Variants in SS18L1 observed in about 807,000 individuals in gnomAD.
SS18L1 encodes the protein SS18L1 subunit of BAF chromatin remodeling complex, also known as calcium-responsive transactivator.
SS18L1 carries 32 observed loss-of-function variants against 70.3 expected under a neutral mutation model. The ratio of observed to expected loss-of-function variants is 0.46; its 90% confidence interval spans 0.34 to 0.61. The LOEUF is 0.61. SS18L1 is among the 20% of genes least tolerant of loss of function. The probability of loss-of-function intolerance (pLI) is 0.01; values close to 1 mark genes in which losing one functional copy is unlikely to be tolerated. For missense variants in SS18L1, 430 were observed against 542.1 expected, an observed-to-expected ratio of 0.79 and a Z score of 2.05; for synonymous variants, 237 against 229.7, an observed-to-expected ratio of 1.03 and a Z score of -0.29.
chr20:62,178,910 C>G (rs1457839860), intron 10 of SS18L1, among the ~76,000 whole-genome samples: 1 of 152,222 alleles, frequency 6.6e-6, no homozygotes, highest in African/African-American at 2.4e-5. Flanking sequence ...CATAGCAGGC[C>G]CAGCATAAGG....
chr20:62,171,732 C>T (rs780711886), intron 8 of SS18L1, among the ~76,000 whole-genome samples: 1 of 152,224 alleles, frequency 6.6e-6, no homozygotes, highest in South Asian at 2.1e-4. Flanking sequence ...AAAATGGATT[C>T]TTTGCGCAGA....
At chr20:62,178,169 C>T (rs182835218) in intron 10 of SS18L1, among the ~76,000 whole-genome samples, 216 of 118,296 alleles carry the variant, frequency 1.8e-3, no homozygotes, top group African/African-American at 7.2e-3. Context: ...TTTTTTGAGA[C>T]AAGGTCTCAC....
chr20:62,175,273 G>T (rs2057602119), intron 10 of SS18L1: 1 of 985,308 alleles, frequency 1.0e-6, no homozygotes, highest in African/African-American at 1.7e-5. Context: ...GAGCTCTCGG[G>T]ACAGTGAGGA....
At chr20:62,151,200 AC>A (rs1181409776) in intron 1 of SS18L1, among the ~76,000 whole-genome samples, 2 of 151,686 alleles carry the variant, frequency 1.3e-5, no homozygotes, top group Admixed American at 6.6e-5. Flanking sequence ...GGGCTCTGGG[AC>A]CCCAGTTCTC....
intron 1 of SS18L1, among the ~76,000 whole-genome samples, chr20:62,145,049 A>G (rs574112794): frequency 2.6e-5 from 4 of 152,374 alleles, no homozygotes; most frequent in Admixed American, 6.5e-5. Context: ...CTAGTTTTAG[A>G]AATTTGATGG....
rs939332777 is a variant in SS18L1, at chr20:62,181,774, A to G, written c.*2566A>G. The G allele has an allele frequency of 1.9e-4, 43 of 226,116 alleles. No homozygotes were observed. Among genetic ancestry groups the G allele is most frequent in the Admixed American group, 1.6e-3 (28 of 17,568 alleles). The allele number at this position is 226,116 out of a possible 1,614,324, so 14.0% of individuals were successfully genotyped here. ...CCTTTTCATTATTCTATCTTCTGTC[A>G]TATGAATGTTGAGCAAAGCTTAGGC... On this transcript the variant is annotated 3_prime_UTR_variant, in exon 11 of 11. Coordinates refer to ENST00000331758, the MANE Select transcript of SS18L1 (RefSeq NM_198935.3).
chr20:62,175,776 G>A (rs918580552), intron 10 of SS18L1, among the ~76,000 whole-genome samples: 2 of 152,250 alleles, frequency 1.3e-5, no homozygotes, highest in Admixed American at 6.5e-5. Context: ...AGAGGGCAAA[G>A]GGTCACCAGG....
rs781618284 is a variant in SS18L1, at chr20:62,161,504, C to A, written c.300C>A (p.His100Gln). 6.2e-7 allele frequency: 1 copy of A among 1,612,894 alleles called. No individual in the cohort carries two copies. Among genetic ancestry groups the A allele is most frequent in the East Asian group, 2.2e-5 (1 of 44,868 alleles). ...AGAGCGGCTCCAGCCAGGGCCTGCA[C>A]TCTCAGGGCAGCCTGAGTGACGCCA... ...LTQSGSSQGL[H>Q]SQGSLSDAIS... is the part of the protein sequence containing the mutation. Residue 100 changes from histidine (H) to glutamine (Q), a missense_variant, in exon 4 of 11, where the codon CAC becomes CAA. By Grantham distance (24) the His-to-Gln change is conservative. Coordinates refer to ENST00000331758, the MANE Select transcript of SS18L1 (RefSeq NM_198935.3). This position sits in a 1 kb window ranked among gnomAD's most constrained non-coding sequence, Gnocchi z 4.4.
chr20:62,174,857 A>G lies in SS18L1; in HGVS notation c.1164+213A>G, dbSNP rs1260292727. ...TCATCCAGCTGGCTTTTCATACCCT[A>G]AGCTCACCGTTAGATCTGCACGCCT... is the stretch of plus-strand genomic sequence containing the variant. On this transcript the variant is annotated intron_variant, in intron 10 of 10. Coordinates refer to ENST00000331758, the MANE Select transcript of SS18L1 (RefSeq NM_198935.3). The surrounding 1 kb of genome is among the most constrained non-coding windows in gnomAD (Gnocchi z 4.1). 1.4e-6 allele frequency: 2 copies of G among 1,439,490 alleles called. No homozygotes were observed. Among genetic ancestry groups the G allele is most frequent in the African/African-American group, 1.4e-5 (1 of 70,722 alleles). 89.2% of individuals were successfully genotyped at this position (1,439,490 alleles called of 1,614,324 possible).
intron 8 of SS18L1, among the ~76,000 whole-genome samples, chr20:62,167,607 A>G (rs1385452681): frequency 6.6e-6 from 1 of 152,114 alleles, no homozygotes; most frequent in East Asian, 1.9e-4. Context: ...ATCTTCTGGC[A>G]TATTGGCTGC....
At chr20:62,164,123 G>A (rs557488063) in intron 6 of SS18L1, 22 bp from the exon 7 acceptor site, 40 of 1,545,982 alleles carry the variant, frequency 2.6e-5, no homozygotes, top group African/African-American at 9.6e-5. Context: ...CCGCACTGGC[G>A]CTGAATGTGG....
At position 62,159,880 on chromosome 20, in the gene SS18L1, C is replaced by T; in HGVS notation, c.150C>T (p.Tyr50=). The T allele has an allele frequency of 1.9e-6, 3 of 1,612,434 alleles. No homozygotes were observed. The highest frequency in any genetic ancestry group is 2.2e-5 in the South Asian group (2 of 90,986). ...SKGKTAECTQ[Y]QQILHRNLVY... is the part of the protein sequence containing the mutation. ...ATGCGTGCCCCCTCTCCTGCAGGTA[C>T]CAGCAGATCCTGCACCGGAACCTGG... Residue 50 remains tyrosine (Y), a synonymous_variant, in exon 3 of 11, where the codon TAC becomes TAT. Transcript: ENST00000331758. This position sits in a 1 kb window ranked among gnomAD's most constrained non-coding sequence, Gnocchi z 4.4.
chr20:62,175,140 C>A, intron 10 of SS18L1: 1 of 822,032 alleles, frequency 1.2e-6, no homozygotes, highest in Non-Finnish European at 1.5e-6. Context: ...GACGAAGACA[C>A]AGCGGGGAGT....
chr20:62,146,604 C>CTTTTTTTTTTTTTTT (rs1339898731), intron 1 of SS18L1, among the ~76,000 whole-genome samples: 6 of 34,148 alleles, frequency 1.8e-4, no homozygotes, highest in African/African-American at 5.9e-4. Context: ...CTGCTTTGAT[C>CTTTTTTTTTTTTTTT]ATTTTTTTTT....
At position 62,164,054 on chromosome 20, in the gene SS18L1, C is replaced by A. The variant is rs1231338514; in HGVS notation, c.722-91C>A. The A allele has an allele frequency of 5.9e-6, 7 of 1,196,230 alleles. No individual in the cohort carries two copies. The East Asian group carries it at 1.3e-4, about 22-fold the overall frequency. The allele number at this position is 1,196,230 out of a possible 1,614,324, so 74.1% of individuals were successfully genotyped here. A position where few individuals can be genotyped will look rare whatever the true frequency, so the allele number is the denominator to read the frequency against. On this transcript the variant is annotated intron_variant, in intron 6 of 10. Coordinates refer to ENST00000331758, the MANE Select transcript of SS18L1 (RefSeq NM_198935.3). ...TTCTCCTCGGGTGGGTGAGGCCATT[C>A]AGCAAGGCCTTGGCTTCCCCAGTGA...
At position 62,174,059 on chromosome 20, in the gene SS18L1, A is replaced by C. The variant is rs1246872863; in HGVS notation, c.1037-458A>C. ...ATTGGCCTCTATCAGTTCTTGCCGG[A>C]GCCTTTGACTTAGCCTTCCTAGAGA... On this transcript the variant is annotated intron_variant, in intron 9 of 10. Transcript: ENST00000331758. This position sits in a 1 kb window ranked among gnomAD's most constrained non-coding sequence, Gnocchi z 4.1. 6.6e-6 allele frequency among the ~76,000 whole-genome samples: 1 copy of C among 151,278 alleles called. No homozygotes were observed. Among genetic ancestry groups the C allele is most frequent in the African/African-American group, 2.4e-5 (1 of 41,142 alleles).
intron 8 of SS18L1, among the ~76,000 whole-genome samples, chr20:62,172,037 CTG>C (rs2057540476): frequency 6.6e-6 from 1 of 152,054 alleles, no homozygotes; most frequent in Non-Finnish European, 1.5e-5. Context: ...TGGCGGGCAC[CTG>C]TAGTCCCAGC....
rs144059766 is a variant in SS18L1 at position 62,161,544 on chromosome 20, C to A, written c.340C>A (p.Pro114Thr). 17 of 1,611,814 alleles carry A rather than the reference C, an allele frequency of 1.1e-5. No homozygotes were observed. Among genetic ancestry groups the A allele is most frequent in the Non-Finnish European group, 1.4e-5 (17 of 1,179,196 alleles). Residue 114 changes from proline (P) to threonine (T), a missense_variant, in exon 4 of 11, where the codon CCA becomes ACA. Physicochemically the swap from Pro to Thr is conservative, Grantham distance 38 (BLOSUM62 -1). Transcript: ENST00000331758. This position sits in a 1 kb window ranked among gnomAD's most constrained non-coding sequence, Gnocchi z 4.4. The stretch of plus-strand genomic sequence containing the variant: ...GAGTGACGCCATCAGCACGGGCCTG[C>A]CACCCTCCTCCCTCCTGCAGGGCCA... The part of the protein sequence containing the change: ...SLSDAISTGL[P>T]PSSLLQGQIG...
chr20:62,178,350 A>T (rs979121644), intron 10 of SS18L1, among the ~76,000 whole-genome samples: 13 of 148,176 alleles, frequency 8.8e-5, no homozygotes, highest in South Asian at 4.3e-4. Flanking sequence ...ATGGGGTTTC[A>T]CCATGTTGGC....
Sources: allele counts gnomAD v4.1 joint callset (sites outside exome capture counted in the v4.1 genomes callset), GRCh38; gene constraint gnomAD v4.1.1; non-coding constraint Gnocchi (gnomAD v3.1); transcripts MANE v1.5; gene names NCBI Gene and HGNC (gene_info 2026-07-23, HGNC 2026-07-21).